Variants in FBXW11 observed in about 807,000 individuals in gnomAD.
FBXW11 encodes the protein F-box/WD repeat-containing protein 11.
A neutral mutation model predicts 77.6 loss-of-function variants in FBXW11; 19 were observed. That is an observed-to-expected ratio of 0.24 (90% CI 0.17 to 0.36). The LOEUF (loss-of-function observed/expected upper bound fraction) is 0.36. Among genes scored for constraint, FBXW11 ranks in the 10% least tolerant of loss-of-function variants. The probability of loss-of-function intolerance (pLI) is 1.00; values close to 1 mark genes in which losing one functional copy is unlikely to be tolerated. For missense variants in FBXW11, 334 were observed against 704.2 expected, an observed-to-expected ratio of 0.47 and a Z score of 5.95; for synonymous variants, 235 against 249.4, an observed-to-expected ratio of 0.94 and a Z score of 0.54.
rs58051402 is a variant in FBXW11, at chr5:171,939,696, CAAAAAA to C, written c.147+17895_147+17900del. Among the ~76,000 whole-genome samples the C allele has an allele frequency of 3.0e-3, 243 of 80,046 alleles. 1 individual carries two copies. The highest frequency in any genetic ancestry group is 1.0e-2 in the African/African-American group (235 of 23,548). 52.5% of individuals were successfully genotyped at this position (80,046 alleles called of 152,430 possible). On this transcript the variant is annotated intron_variant, in intron 2 of 13. Transcript: ENST00000517395. ...TGGGCTACACAGCAAGACCCTGTCT[CAAAAAA>C]AAAAAAAAAAAAAAAAGAAAGAAAG...
At chr5:171,902,140 T>C (rs900647173) in intron 4 of FBXW11, among the ~76,000 whole-genome samples, 2 of 152,208 alleles carry the variant, frequency 1.3e-5, no homozygotes, top group African/African-American at 4.8e-5. Context: ...TATTCTGTCC[T>C]CGGAGGTATT....
At chr5:172,001,623 T>A (rs1766416404) in intron 1 of FBXW11, among the ~76,000 whole-genome samples, 1 of 152,196 alleles carries the variant, frequency 6.6e-6, no homozygotes, top group Non-Finnish European at 1.5e-5. Context: ...TGCTACAGGA[T>A]AAATACAAAG....
chr5:171,867,592 G>C (rs1757483096), intron 13 of FBXW11, among the ~76,000 whole-genome samples: 1 of 151,918 alleles, frequency 6.6e-6, no homozygotes. Flanking sequence ...CTATTTATTG[G>C]ATCTTGGAAT....
At chr5:171,883,281 A>G (rs533307569) in intron 7 of FBXW11, among the ~76,000 whole-genome samples, 1 of 152,098 alleles carries the variant, frequency 6.6e-6, no homozygotes, top group Non-Finnish European at 1.5e-5. Context: ...ATAATGACTT[A>G]TTTTCCTCTG....
intron 8 of FBXW11, among the ~76,000 whole-genome samples, chr5:171,877,483 G>T (rs1758167148): frequency 6.6e-6 from 1 of 152,152 alleles, no homozygotes; most frequent in South Asian, 2.1e-4. Flanking sequence ...TCTGGAAGCA[G>T]CATTTCCACA....
At chr5:171,893,424 A>AAAAAAAAAACAAAC (rs1204312826) in intron 6 of FBXW11, among the ~76,000 whole-genome samples, 1 of 128,464 alleles carries the variant, frequency 7.8e-6, no homozygotes, top group Non-Finnish European at 1.7e-5. Context: ...TCAAAACCAA[A>AAAAAAAAAACAAAC]AAAAAAAAAA....
intron 2 of FBXW11, among the ~76,000 whole-genome samples, chr5:171,915,764 T>C (rs1037863696): frequency 6.6e-6 from 1 of 152,084 alleles, no homozygotes; most frequent in African/African-American, 2.4e-5. Flanking sequence ...CAAAAAACAT[T>C]ACTTCACTCT....
At chr5:171,993,059 A>T (rs1379560050) in intron 1 of FBXW11, among the ~76,000 whole-genome samples, 1 of 151,770 alleles carries the variant, frequency 6.6e-6, no homozygotes, top group Non-Finnish European at 1.5e-5. Flanking sequence ...TGCCTTAATC[A>T]TAAAAGGATC....
intron 1 of FBXW11, among the ~76,000 whole-genome samples, chr5:171,977,925 A>C (rs558303501): frequency 6.6e-6 from 1 of 152,144 alleles, no homozygotes; most frequent in Non-Finnish European, 1.5e-5. Flanking sequence ...TGTAAACTAC[A>C]GTTACATTAA....
intron 1 of FBXW11, among the ~76,000 whole-genome samples, chr5:171,970,913 G>A (rs571834703): frequency 2.0e-5 from 3 of 152,278 alleles, no homozygotes; most frequent in Admixed American, 2.0e-4. Flanking sequence ...TGTCTTTCAG[G>A]CAGGGGCTAG....
intron 1 of FBXW11, among the ~76,000 whole-genome samples, chr5:171,968,163 T>G (rs1764321774): frequency 6.6e-6 from 1 of 151,874 alleles, no homozygotes; most frequent in Non-Finnish European, 1.5e-5. Context: ...AGGACAGCTA[T>G]AAGAATTTGG....
chr5:171,875,146 G>A (rs535710968), intron 9 of FBXW11, among the ~76,000 whole-genome samples: 1 of 152,164 alleles, frequency 6.6e-6, no homozygotes, highest in East Asian at 1.9e-4. Context: ...GCTGGGTGTG[G>A]TGGCTCATGC....
intron 7 of FBXW11, among the ~76,000 whole-genome samples, chr5:171,887,055 G>A (rs1200175703): frequency 6.6e-6 from 1 of 152,058 alleles, no homozygotes; most frequent in Non-Finnish European, 1.5e-5. Flanking sequence ...ATAGAGTTCC[G>A]TGGTCAAATA....
intron 2 of FBXW11, among the ~76,000 whole-genome samples, chr5:171,955,505 G>A (rs967541197): frequency 1.1e-4 from 16 of 152,160 alleles, no homozygotes; most frequent in African/African-American, 3.6e-4. Flanking sequence ...ATTAAGGCAC[G>A]AAATTTTAGC....
At chr5:171,888,245 G>A (rs954558564) in intron 7 of FBXW11, among the ~76,000 whole-genome samples, 1 of 152,188 alleles carries the variant, frequency 6.6e-6, no homozygotes, top group Non-Finnish European at 1.5e-5. Flanking sequence ...CTTATGGGCT[G>A]AAGAGACTTA....
chr5:171,875,343 C>T (rs914730967), intron 9 of FBXW11, among the ~76,000 whole-genome samples: 2 of 151,956 alleles, frequency 1.3e-5, no homozygotes, highest in Non-Finnish European at 2.9e-5. Flanking sequence ...TAAGTGAAAG[C>T]AGCGAGAAAT....
At chr5:171,938,402 A>C (rs1762583450) in intron 2 of FBXW11, among the ~76,000 whole-genome samples, 1 of 152,220 alleles carries the variant, frequency 6.6e-6, no homozygotes, top group South Asian at 2.1e-4. Context: ...ACCCTTAAAT[A>C]GGAAAAGATG....
At chr5:171,920,430 A>AC (rs1210945621) in intron 2 of FBXW11, among the ~76,000 whole-genome samples, 1 of 151,102 alleles carries the variant, frequency 6.6e-6, no homozygotes, top group Non-Finnish European at 1.5e-5. Context: ...AAAAAAAAAA[A>AC]AAAACCCTGA....
intron 2 of FBXW11, among the ~76,000 whole-genome samples, chr5:171,925,956 T>A (rs565673265): frequency 6.6e-6 from 1 of 152,156 alleles, no homozygotes; most frequent in African/African-American, 2.4e-5. Flanking sequence ...CTATTTTAAG[T>A]GGGAAAAAAG....
Sources: gnomAD v4.1 joint callset for allele counts (sites outside exome capture counted in the v4.1 genomes callset) on GRCh38, gnomAD v4.1.1 for gene constraint, MANE v1.5 for transcripts, NCBI Gene and HGNC (gene_info 2026-07-23, HGNC 2026-07-21) for gene names.